PLCZ1: variants seen among roughly 807,000 people sequenced by gnomAD.
PLCZ1 encodes the protein 1-phosphatidylinositol 4,5-bisphosphate phosphodiesterase zeta-1.
A neutral mutation model predicts 76.8 loss-of-function variants in PLCZ1; 64 were observed. The ratio of observed to expected loss-of-function variants is 0.83; its 90% CI spans 0.68 to 1.03. The LOEUF (loss-of-function observed/expected upper bound fraction) is 1.03, where lower values mean the gene tolerates loss of function less well. Ranked by LOEUF, PLCZ1 falls within the 50% of genes least tolerant of loss-of-function variation. The probability of loss-of-function intolerance (pLI) is 0.00; values close to 1 mark genes in which losing one functional copy is unlikely to be tolerated. For synonymous variants in PLCZ1, 248 were observed against 230.8 expected (o/e 1.07, Z -0.68); for missense variants, 751 against 713.7 (o/e 1.05, Z -0.60).
At chr12:18,670,815 T>G in the PLCZ1 span, among the ~76,000 whole-genome samples, 1 of 152,196 alleles carries the variant, frequency 6.6e-6, no homozygotes, top group Non-Finnish European at 1.5e-5. Context: ...TCATGAAACA[T>G]TCTTTCAAAT....
chr12:18,663,654 A>G, the PLCZ1 span, among the ~76,000 whole-genome samples: 1 of 152,090 alleles, frequency 6.6e-6, no homozygotes, highest in Non-Finnish European at 1.5e-5. Flanking sequence ...AGAAAAAAAA[A>G]CATAGGACAA....
intron 1 of PLCZ1, 46 bp downstream of exon 1, chr12:18,737,885 CT>C (rs1363425244): frequency 7.1e-6 from 2 of 282,222 alleles, no homozygotes; most frequent in Non-Finnish European, 1.3e-5. Context: ...AAACTTTGGG[CT>C]GCTTCTCTAG....
the PLCZ1 span, among the ~76,000 whole-genome samples, chr12:18,646,424 G>T: frequency 6.6e-6 from 1 of 152,108 alleles, no homozygotes; most frequent in South Asian, 2.1e-4. Context: ...ATATCATATT[G>T]TATCTCATGC....
At chr12:18,666,836 T>C in the PLCZ1 span, among the ~76,000 whole-genome samples, 1 of 152,196 alleles carries the variant, frequency 6.6e-6, no homozygotes, top group Non-Finnish European at 1.5e-5. Context: ...ACTGGTTATG[T>C]GGTATATGGA....
intron 6 of PLCZ1, among the ~76,000 whole-genome samples, chr12:18,706,923 G>C (rs542958443): frequency 6.6e-6 from 1 of 152,274 alleles, no homozygotes; most frequent in South Asian, 2.1e-4. Context: ...TGTTGGTAAG[G>C]CTGCACTCCC....
intron 3 of PLCZ1, among the ~76,000 whole-genome samples, chr12:18,730,023 T>C (rs891838876): frequency 6.6e-6 from 1 of 152,152 alleles, no homozygotes. Context: ...TATTCATACA[T>C]AATATCTTAT....
At chr12:18,716,049 G>A (rs1388552012) in intron 5 of PLCZ1, among the ~76,000 whole-genome samples, 1 of 151,954 alleles carries the variant, frequency 6.6e-6, no homozygotes, top group Non-Finnish European at 1.5e-5. Flanking sequence ...CTTGGCTTAC[G>A]GATTTATTTA....
the PLCZ1 span, among the ~76,000 whole-genome samples, chr12:18,675,758 G>T: frequency 3.3e-5 from 5 of 151,340 alleles, no homozygotes; most frequent in Non-Finnish European, 7.4e-5. Flanking sequence ...TATTTTAAGT[G>T]AAATAACTCA....
At chr12:18,671,103 G>A in the PLCZ1 span, among the ~76,000 whole-genome samples, 1 of 151,740 alleles carries the variant, frequency 6.6e-6, no homozygotes, top group African/African-American at 2.4e-5. Context: ...CTTGAGCCTG[G>A]GAAGTGGAGG....
chr12:18,658,426 T>A, the PLCZ1 span, among the ~76,000 whole-genome samples: 9 of 152,006 alleles, frequency 5.9e-5, no homozygotes, highest in Admixed American at 2.0e-4. Flanking sequence ...TAAAGAATCG[T>A]AAAAGCAGCA....
At chr12:18,667,224 G>A in the PLCZ1 span, among the ~76,000 whole-genome samples, 2 of 152,136 alleles carry the variant, frequency 1.3e-5, no homozygotes, top group African/African-American at 4.8e-5. Context: ...GTTCAAATAC[G>A]TAAGTGAATA....
At chr12:18,693,682 G>A (rs1440522896) in intron 12 of PLCZ1, 2 of 1,567,242 alleles carry the variant, frequency 1.3e-6, no homozygotes, top group Non-Finnish European at 1.8e-6. Flanking sequence ...CTGGTGGTGA[G>A]AGAGAAATTC....
At chr12:18,659,969 T>C in the PLCZ1 span, among the ~76,000 whole-genome samples, 1 of 152,074 alleles carries the variant, frequency 6.6e-6, no homozygotes, top group Non-Finnish European at 1.5e-5. Context: ...AGAACACTGC[T>C]AAAGATAAGT....
At chr12:18,650,761 T>C in the PLCZ1 span, among the ~76,000 whole-genome samples, 3 of 109,016 alleles carry the variant, frequency 2.8e-5, 1 homozygote, top group African/African-American at 9.8e-5. Flanking sequence ...TATATATATA[T>C]ATATTCCAGT....
At chr12:18,671,567 A>G in the PLCZ1 span, among the ~76,000 whole-genome samples, 5 of 152,106 alleles carry the variant, frequency 3.3e-5, no homozygotes. Flanking sequence ...AAACAAAACT[A>G]CAAATTTGAT....
At chr12:18,732,797 A>T (rs1287882747) in intron 3 of PLCZ1, among the ~76,000 whole-genome samples, 1 of 152,150 alleles carries the variant, frequency 6.6e-6, no homozygotes, top group Non-Finnish European at 1.5e-5. Flanking sequence ...AAATAACAAG[A>T]TATTCTTTAT....
At position 18,724,198 on chromosome 12, in the gene PLCZ1, G is replaced by C. The variant is rs556905135; in HGVS notation, c.136-656C>G. ...TGTGCATTTCCAATTGGAAGAGTTA[G>C]AGAACTGCAGGTAAGAGCAGATAAG... On this transcript the variant is annotated intron_variant, in intron 3 of 14. Coordinates refer to ENST00000266505, the MANE Select transcript of PLCZ1 (RefSeq NM_033123.4). Among the ~76,000 whole-genome samples the C allele has an allele frequency of 2.2e-4, 34 of 152,214 alleles. No individual in the cohort carries two copies. In the South Asian group the frequency reaches 7.0e-3, roughly 32 times the overall value.
At chr12:18,724,448 A>C (rs1222749874) in intron 3 of PLCZ1, among the ~76,000 whole-genome samples, 1 of 152,126 alleles carries the variant, frequency 6.6e-6, no homozygotes, top group Non-Finnish European at 1.5e-5. Context: ...AGGGAGATTT[A>C]ATTTTTTAAA....
chr12:18,655,912 T>C, the PLCZ1 span, among the ~76,000 whole-genome samples: 1 of 152,174 alleles, frequency 6.6e-6, no homozygotes, highest in African/African-American at 2.4e-5. Flanking sequence ...CTCTATGTAA[T>C]GTGGTACCCT....
Sources: allele counts gnomAD v4.1 joint callset (sites outside exome capture counted in the v4.1 genomes callset), GRCh38; gene constraint gnomAD v4.1.1; transcripts MANE v1.5; gene names NCBI Gene and HGNC (gene_info 2026-07-23, HGNC 2026-07-21).